YEATS4: variants seen among roughly 807,000 people sequenced by gnomAD.
YEATS4 encodes the protein YEATS domain-containing protein 4.
Under a neutral mutation model 30.1 loss-of-function variants are expected in YEATS4, and 17 were observed. The observed-to-expected ratio is 0.56, with a 90% CI of 0.39 to 0.85. The LOEUF (loss-of-function observed/expected upper bound fraction) is 0.85. Among genes scored for constraint, YEATS4 ranks in the 40% least tolerant of loss-of-function variants. The pLI is 0.00. For missense variants in YEATS4, 142 were observed against 268.3 expected (o/e 0.53, Z 3.29); for synonymous variants, 85 against 87.5 (o/e 0.97, Z 0.16).
chr12:69,407,959 G>A, the YEATS4 span, among the ~76,000 whole-genome samples: 13 of 152,108 alleles, frequency 8.5e-5, no homozygotes, highest in South Asian at 4.1e-4. Flanking sequence ...CAGGTGATCC[G>A]CCCACCTTGG....
At chr12:69,377,502 C>A (rs1037024021) in intron 6 of YEATS4, among the ~76,000 whole-genome samples, 1 of 152,110 alleles carries the variant, frequency 6.6e-6, no homozygotes, top group East Asian at 1.9e-4. Context: ...CTCAAGCGAT[C>A]CTCCCACCTC....
chr12:69,364,647 T>TTC (rs1424197004), intron 2 of YEATS4, among the ~76,000 whole-genome samples: 1 of 152,224 alleles, frequency 6.6e-6, no homozygotes, highest in Non-Finnish European at 1.5e-5. Flanking sequence ...GAGATGGAGT[T>TTC]TCTCTCTTAT....
intron 4 of YEATS4, among the ~76,000 whole-genome samples, chr12:69,367,592 C>G (rs1875486929): frequency 6.6e-6 from 1 of 152,184 alleles, no homozygotes; most frequent in Non-Finnish European, 1.5e-5. Flanking sequence ...TCTCAAACTC[C>G]TGGGCTCAAG....
intron 6 of YEATS4, among the ~76,000 whole-genome samples, chr12:69,384,362 C>T (rs1876191705): frequency 6.6e-6 from 1 of 152,146 alleles, no homozygotes; most frequent in South Asian, 2.1e-4. Flanking sequence ...TGTGAAAAGG[C>T]TATAAATCTG....
the YEATS4 span, among the ~76,000 whole-genome samples, chr12:69,416,186 C>G: frequency 2.6e-3 from 400 of 152,290 alleles, 2 homozygotes; most frequent in African/African-American, 9.2e-3. Flanking sequence ...CGCTCACCTG[C>G]AAACTGCTTC....
At chr12:69,390,126 A>G (rs1868299868) in intron 6 of YEATS4, 21 bp from the exon 7 acceptor site, 3 of 1,553,072 alleles carry the variant, frequency 1.9e-6, no homozygotes, top group Non-Finnish European at 8.7e-7. Context: ...ATACTTTAGT[A>G]AAAGTATTTG....
At position 69,366,816 on chromosome 12, in the gene YEATS4, A is replaced by G. The variant is rs555907706; in HGVS notation, c.333+932A>G. 2.6e-5 allele frequency among the ~76,000 whole-genome samples: 4 copies of G among 152,312 alleles called. No homozygotes were observed. In the East Asian group the frequency reaches 7.7e-4, roughly 29 times the overall value. On this transcript the variant is annotated intron_variant, in intron 4 of 6. Transcript: ENST00000247843. ...TTTAAAGGAGCTGAATATCACCTGG[A>G]CCAGTATTTCAGCAAACCGGTTCCT...
chr12:69,416,225 C>G, the YEATS4 span, among the ~76,000 whole-genome samples: 3 of 152,162 alleles, frequency 2.0e-5, no homozygotes, highest in Non-Finnish European at 4.4e-5. Context: ...AAGAATTCAG[C>G]CTGGTGAATC....
At chr12:69,387,696 C>T (rs1458976017) in intron 6 of YEATS4, among the ~76,000 whole-genome samples, 1 of 152,060 alleles carries the variant, frequency 6.6e-6, no homozygotes, top group African/African-American at 2.4e-5. Flanking sequence ...AGAATGATAC[C>T]ACTTGTGTTG....
At chr12:69,419,542 G>A in the YEATS4 span, among the ~76,000 whole-genome samples, 7 of 152,028 alleles carry the variant, frequency 4.6e-5, no homozygotes, top group African/African-American at 1.7e-4. Flanking sequence ...ATAGTCATGG[G>A]TTCATGTGTC....
intron 6 of YEATS4, among the ~76,000 whole-genome samples, chr12:69,388,053 T>TTTATTTA (rs1284989678): frequency 5.8e-4 from 64 of 110,040 alleles, no homozygotes; most frequent in Non-Finnish European, 1.0e-3. Flanking sequence ...TTTTTATTTT[T>TTTATTTA]TTTATTTTTA....
At chr12:69,392,132 A>C (rs1294538299), downstream of YEATS4, among the ~76,000 whole-genome samples, 2 of 152,224 alleles carry the variant, frequency 1.3e-5, no homozygotes, top group African/African-American at 4.8e-5. Flanking sequence ...CAATAAGCAT[A>C]TGAGGAGATG....
intron 4 of YEATS4, among the ~76,000 whole-genome samples, chr12:69,370,324 A>G (rs1875590135): frequency 1.3e-5 from 2 of 152,230 alleles, no homozygotes; most frequent in African/African-American, 4.8e-5. Flanking sequence ...CATTCCCCAC[A>G]GTAAATTTGT....
At chr12:69,423,873 C>T in the YEATS4 span, among the ~76,000 whole-genome samples, 1 of 152,174 alleles carries the variant, frequency 6.6e-6, no homozygotes, top group Admixed American at 6.5e-5. Flanking sequence ...TGGGGACATG[C>T]AACCCAGTTC....
intron 6 of YEATS4, among the ~76,000 whole-genome samples, chr12:69,377,002 G>A (rs985924977): frequency 9.2e-5 from 14 of 152,114 alleles, no homozygotes; most frequent in African/African-American, 3.4e-4. Context: ...ATTGCTCATA[G>A]TGGCCACTAA....
At chr12:69,364,332 T>A (rs1299974846) in intron 2 of YEATS4, 2 of 250,394 alleles carry the variant, frequency 8.0e-6, no homozygotes, top group Non-Finnish European at 1.6e-5. Context: ...GTTTATTTTT[T>A]AAATAATAAA....
chr12:69,384,887 A>G (rs1876210941), intron 6 of YEATS4, among the ~76,000 whole-genome samples: 1 of 152,238 alleles, frequency 6.6e-6, no homozygotes, highest in Non-Finnish European at 1.5e-5. Context: ...GAAGGTATGG[A>G]CAGACAGATA....
the YEATS4 span, among the ~76,000 whole-genome samples, chr12:69,415,774 A>G: frequency 6.6e-6 from 1 of 152,150 alleles, no homozygotes; most frequent in Non-Finnish European, 1.5e-5. Context: ...GGATCCATCC[A>G]TTTCACACAT....
intron 6 of YEATS4, among the ~76,000 whole-genome samples, chr12:69,380,418 G>A (rs1876029828): frequency 6.6e-6 from 1 of 152,248 alleles, no homozygotes; most frequent in African/African-American, 2.4e-5. Context: ...AGCAGGCAGA[G>A]ACTCTTGTTC....
Sources: gnomAD v4.1 joint callset for allele counts (sites outside exome capture counted in the v4.1 genomes callset) on GRCh38, gnomAD v4.1.1 for gene constraint, MANE v1.5 for transcripts, NCBI Gene and HGNC (gene_info 2026-07-23, HGNC 2026-07-21) for gene names.